The following SLIT1 variants were observed in gnomAD, a reference collection of about 807,000 sequenced individuals.
SLIT1 encodes slit homolog 1 protein.
A neutral mutation model predicts 186.1 loss-of-function variants in SLIT1; 66 were observed. The observed-to-expected ratio is 0.35, with a 90% CI of 0.29 to 0.44. The LOEUF (loss-of-function observed/expected upper bound fraction) is 0.44. Among genes scored for constraint, SLIT1 ranks in the 20% least tolerant of loss-of-function variants. The pLI is 1.00. For synonymous variants in SLIT1, 761 were observed against 833.8 expected (o/e 0.91, Z 1.50); for missense variants, 1,638 against 2,037.4 (o/e 0.80, Z 3.77).
At position 97,185,531 on chromosome 10, in the gene SLIT1, G is replaced by A; in HGVS notation, c.144C>T (p.His48=). The A allele has an allele frequency of 6.2e-7, 1 of 1,612,246 alleles. No individual in the cohort carries two copies. Residue 48 remains histidine, a synonymous_variant, in exon 1 of 37, where the codon CAC becomes CAT. Coordinates refer to ENST00000266058, the MANE Select transcript of SLIT1 (RefSeq NM_003061.3). ...TGGGAATGGCCTGCAGCCCCGTGCCGTGGCAGTCCACCGTGGTTCCGGTGC... is the reference window on the plus strand; with the variant it reads ...TGGGAATGGCCTGCAGCCCCGTGCCATGGCAGTCCACCGTGGTTCCGGTGC... ...CTCTGTTVDC[H]GTGLQAIPKN...
rs1848621588 is a variant in SLIT1 at position 97,034,542 on chromosome 10, C to T, written c.2367G>A (p.Val789=). 1 of 1,613,282 alleles carries T rather than the reference C, an allele frequency of 6.2e-7. No individual in the cohort carries two copies. Among genetic ancestry groups the T allele is most frequent in the Non-Finnish European group, 8.5e-7 (1 of 1,179,406 alleles). Reference sequence around the variant, plus strand: ...AACTGATCTTGTTGTTGCTCAGGTCCCTGGAAAAGGCAAAGGCATCATGAT... The same window carrying T: ...AACTGATCTTGTTGTTGCTCAGGTCTCTGGAAAAGGCAAAGGCATCATGAT... ...QLSTFKYLQL[V]DLSNNKISSL... Residue 789 remains valine, a splice_region_variant and synonymous_variant, in exon 23 of 37, where the codon GTG becomes GTA. Coordinates refer to ENST00000266058, the MANE Select transcript of SLIT1 (RefSeq NM_003061.3).
At position 97,046,741 on chromosome 10, in the gene SLIT1, G is replaced by T; in HGVS notation, c.1766C>A (p.Ala589Asp). Residue 589 changes from alanine (A) to aspartate (D), a missense_variant, in exon 18 of 37, where the codon GCC becomes GAC. Ala to Asp is a moderately radical substitution (Grantham distance 126). Around this residue, in one of 3 missense-constraint regions of SLIT1, gnomAD observed 1,245 missense variants for 1,535.3 expected, o/e 0.81. Transcript: ENST00000266058. Reference sequence around the variant, plus strand: ...AGTTAGGTGCAGCTCGCTCACAGAGGCTGCGCCCTCGAAGGCCCCATCTTC... The same window carrying T: ...AGTTAGGTGCAGCTCGCTCACAGAGTCTGCGCCCTCGAAGGCCCCATCTTC... ...EIEDGAFEGA[A>D]SVSELHLTAN... The T allele has an allele frequency of 6.2e-7, 1 of 1,612,648 alleles. No individual in the cohort carries two copies.
intron 4 of SLIT1, among the ~76,000 whole-genome samples, chr10:97,126,418 T>C (rs1849604186): frequency 6.6e-6 from 1 of 152,144 alleles, no homozygotes; most frequent in African/African-American, 2.4e-5. Context: ...CCACCAAAAG[T>C]GGCAGAGTCC....
chr10:97,047,308 C>T (rs1239473184), intron 16 of SLIT1, among the ~76,000 whole-genome samples: 2 of 152,208 alleles, frequency 1.3e-5, no homozygotes, highest in Non-Finnish European at 2.9e-5. Context: ...TGCTTGCAGG[C>T]ATCTATGCAC....
At chr10:97,003,049 C>T in intron 34 of SLIT1, 57 bp from the exon 35 acceptor site, 3 of 1,547,294 alleles carry the variant, frequency 1.9e-6, no homozygotes, top group South Asian at 2.4e-5. Flanking sequence ...ATGCCGGGCA[C>T]CCACCCCTGA....
chr10:97,119,384 G>A (rs1320557003), intron 4 of SLIT1, among the ~76,000 whole-genome samples: 1 of 152,162 alleles, frequency 6.6e-6, no homozygotes, highest in Non-Finnish European at 1.5e-5. Context: ...TGCTGCCTCC[G>A]TGTTCTTCAA....
rs551612161 is a variant in SLIT1 at position 97,118,422 on chromosome 10, C to T, written c.413+39396G>A. ...CCATGGAGTTAGAGCCCACTCCCCA[C>T]TTTTAAGGGCTTTCTGCAGGCTTCG... On this transcript the variant is annotated intron_variant, in intron 4 of 36. Transcript: ENST00000266058. Among the ~76,000 whole-genome samples, 13 of 152,304 alleles carry T rather than the reference C, an allele frequency of 8.5e-5. No homozygotes were observed. The East Asian group carries it at 2.5e-3, about 29-fold the overall frequency.
intron 4 of SLIT1, among the ~76,000 whole-genome samples, chr10:97,098,160 T>C (rs1564675095): frequency 6.6e-6 from 1 of 152,154 alleles, no homozygotes; most frequent in South Asian, 2.1e-4. Context: ...GTGCAGGGAA[T>C]GTGAACGTGC....
chr10:97,181,138 C>G lies in SLIT1; in HGVS notation c.197+4340G>C, dbSNP rs372810006. Among the ~76,000 whole-genome samples, 129 of 152,302 alleles carry G rather than the reference C, an allele frequency of 8.5e-4. 2 individuals carry two copies. The South Asian group carries it at 0.026, about 31-fold the overall frequency. ...ACGGCACGGGGGTCCTAACACCAGTCATTCAGAGCCCAGCAATAAGCCAGT... is the reference window on the plus strand; with the variant it reads ...ACGGCACGGGGGTCCTAACACCAGTGATTCAGAGCCCAGCAATAAGCCAGT... On this transcript the variant is annotated intron_variant, in intron 1 of 36. Transcript: ENST00000266058.
At chr10:97,002,413 A>G in intron 35 of SLIT1, 44 bp from the exon 36 acceptor site, 1 of 1,466,360 alleles carries the variant, frequency 6.8e-7, no homozygotes, top group Non-Finnish European at 9.2e-7. Flanking sequence ...AAACCCAGCC[A>G]AGCCCCACCT....
At chr10:97,167,506 T>C (rs897481064) in intron 1 of SLIT1, among the ~76,000 whole-genome samples, 21 of 152,138 alleles carry the variant, frequency 1.4e-4, no homozygotes, top group African/African-American at 3.6e-4. Context: ...GTTAGTAGAG[T>C]ATTGCTTGGT....
At chr10:97,078,844 C>G (rs899980158) in intron 4 of SLIT1, among the ~76,000 whole-genome samples, 7 of 152,210 alleles carry the variant, frequency 4.6e-5, no homozygotes, top group Non-Finnish European at 1.0e-4. Flanking sequence ...TTGGAGGCCC[C>G]TGGTGACCTG....
intron 1 of SLIT1, among the ~76,000 whole-genome samples, chr10:97,173,316 C>T (rs1850214954): frequency 6.6e-6 from 1 of 152,274 alleles, no homozygotes; most frequent in South Asian, 2.1e-4. Context: ...ACATGAGCTC[C>T]ACATGCTTCT....
At chr10:97,117,162 A>C (rs891122863) in intron 4 of SLIT1, among the ~76,000 whole-genome samples, 7 of 152,218 alleles carry the variant, frequency 4.6e-5, no homozygotes, top group African/African-American at 1.7e-4. Flanking sequence ...GCAGAGACTT[A>C]GAAAAACACT....
chr10:97,149,743 C>A (rs1849855729), intron 4 of SLIT1, among the ~76,000 whole-genome samples: 1 of 152,042 alleles, frequency 6.6e-6, no homozygotes, highest in Non-Finnish European at 1.5e-5. Context: ...GTCAGGTGGG[C>A]CTGGGTTCGA....
chr10:97,035,196 C>T (rs1848628220), intron 22 of SLIT1, among the ~76,000 whole-genome samples: 1 of 152,204 alleles, frequency 6.6e-6, no homozygotes, highest in African/African-American at 2.4e-5. Context: ...TTGGCTGTGC[C>T]TCCTCAGTCT....
chr10:97,034,903 T>C (rs1269237305), intron 22 of SLIT1, among the ~76,000 whole-genome samples: 1 of 152,170 alleles, frequency 6.6e-6, no homozygotes, highest in Non-Finnish European at 1.5e-5. Flanking sequence ...GCCAGCACCT[T>C]AGGTGGGCTC....
chr10:97,017,048 G>A (rs1183324906), intron 28 of SLIT1, among the ~76,000 whole-genome samples: 2 of 152,204 alleles, frequency 1.3e-5, no homozygotes, highest in African/African-American at 2.4e-5. Context: ...GGGGTAACTC[G>A]TGGAGGCACC....
intron 1 of SLIT1, among the ~76,000 whole-genome samples, chr10:97,180,552 A>G (rs1365472600): frequency 6.6e-6 from 1 of 152,210 alleles, no homozygotes; most frequent in African/African-American, 2.4e-5. Flanking sequence ...ATAGATAGCT[A>G]TCTGTTGAAT....
Sources: gnomAD v4.1 joint callset for allele counts (sites outside exome capture counted in the v4.1 genomes callset) on GRCh38, gnomAD v4.1.1 for gene constraint, gnomAD v4.1.1 regional missense constraint, MANE v1.5 for transcripts, NCBI Gene and HGNC (gene_info 2026-07-23, HGNC 2026-07-21) for gene names.